The following ZNF714 variants were observed in gnomAD, a reference collection of about 807,000 sequenced individuals.
The protein encoded by ZNF714 is zinc finger protein 714.
A neutral mutation model predicts 46.2 loss-of-function variants in ZNF714; 32 were observed. That is an observed-to-expected ratio of 0.69 (90% confidence interval 0.52 to 0.93). ZNF714 has a LOEUF of 0.93. ZNF714 is among the 40% of genes least tolerant of loss of function. The pLI, the probability that ZNF714 is intolerant of heterozygous loss-of-function variation, is 0.00. For synonymous variants in ZNF714, 199 were observed against 213.1 expected (o/e 0.93, Z 0.58); for missense variants, 635 against 646.3 (o/e 0.98, Z 0.19).
chr19:21,092,292 A>T (rs897209648), intron 2 of ZNF714, among the ~76,000 whole-genome samples: 1 of 152,214 alleles, frequency 6.6e-6, no homozygotes, highest in African/African-American at 2.4e-5. Flanking sequence ...CACTCCCAGG[A>T]CTAGGCACCA....
At chr19:21,112,216 G>A (rs559192038) in intron 4 of ZNF714, among the ~76,000 whole-genome samples, 1 of 152,082 alleles carries the variant, frequency 6.6e-6, no homozygotes, top group Non-Finnish European at 1.5e-5. Flanking sequence ...TCTGGCCCTG[G>A]ACTTTTTATG....
At chr19:21,110,541 G>T (rs1599549850) in intron 4 of ZNF714, among the ~76,000 whole-genome samples, 10 of 152,176 alleles carry the variant, frequency 6.6e-5, no homozygotes, top group Admixed American at 6.5e-4. Flanking sequence ...CCATTCTGTA[G>T]ATTGTCTGTT....
At chr19:21,107,114 G>A (rs1221763327) in intron 4 of ZNF714, among the ~76,000 whole-genome samples, 1 of 151,988 alleles carries the variant, frequency 6.6e-6, no homozygotes, top group Non-Finnish European at 1.5e-5. Flanking sequence ...CATGAGCCAC[G>A]GTACCTGGCT....
chr19:21,111,183 A>G (rs1378785640), intron 4 of ZNF714, among the ~76,000 whole-genome samples: 1 of 152,056 alleles, frequency 6.6e-6, no homozygotes, highest in Admixed American at 6.5e-5. Flanking sequence ...TTTGAGCAGT[A>G]TGGCCATTTT....
rs957428422 is a variant in ZNF714, at chr19:21,122,428, T to G, written c.*4096T>G. 1 of 152,046 alleles carries G rather than the reference T, an allele frequency of 6.6e-6. No homozygotes were observed. Among genetic ancestry groups the G allele is most frequent in the South Asian group, 2.1e-4 (1 of 4,820 alleles). The allele number at this position is 152,046 out of a possible 1,614,324, so 9.4% of individuals were successfully genotyped here. On this transcript the variant is annotated 3_prime_UTR_variant, in exon 5 of 5. Coordinates refer to ENST00000456283, the MANE Select transcript of ZNF714 (RefSeq NM_182515.4). ...GGTTAGGAGTTTCAGACCAGCCTGG[T>G]GAAACCCGGTCTCTACTAATAAACT... is the stretch of plus-strand genomic sequence containing the variant.
At chr19:21,100,134 A>T (rs8112542) in intron 4 of ZNF714, among the ~76,000 whole-genome samples, 1 of 152,146 alleles carries the variant, frequency 6.6e-6, no homozygotes, top group Non-Finnish European at 1.5e-5. Flanking sequence ...GATTACAGGC[A>T]TGAGTCACCA....
At chr19:21,087,423 C>T (rs1260845361) in intron 2 of ZNF714, among the ~76,000 whole-genome samples, 1 of 152,058 alleles carries the variant, frequency 6.6e-6, no homozygotes, top group Non-Finnish European at 1.5e-5. Context: ...CATGATTTCA[C>T]ATTTGACATG....
chr19:21,122,352 A>G lies in ZNF714; in HGVS notation c.*4020A>G, dbSNP rs1029354798. The stretch of plus-strand genomic sequence containing the variant: ...CATTTTTTCCAGACTATAAAACTGA[A>G]TCTTGCTGAATTTAAAGAGAAATTC... On this transcript the variant is annotated 3_prime_UTR_variant, in exon 5 of 5. Coordinates refer to ENST00000456283, the MANE Select transcript of ZNF714 (RefSeq NM_182515.4). 2.0e-5 allele frequency: 3 copies of G among 152,212 alleles called. No individual in the cohort carries two copies. Among genetic ancestry groups the G allele is most frequent in the Admixed American group, 1.3e-4 (2 of 15,282 alleles). 9.4% of individuals were successfully genotyped at this position (152,212 alleles called of 1,614,324 possible).
intron 4 of ZNF714, among the ~76,000 whole-genome samples, chr19:21,105,827 T>C (rs1969297593): frequency 6.6e-6 from 1 of 151,978 alleles, no homozygotes; most frequent in South Asian, 2.1e-4. Context: ...TGCTAGTGCA[T>C]GCCTGTAGTC....
At chr19:21,103,279 C>T (rs1286113844) in intron 4 of ZNF714, among the ~76,000 whole-genome samples, 1 of 152,032 alleles carries the variant, frequency 6.6e-6, no homozygotes, top group African/African-American at 2.4e-5. Context: ...ACAGGCCTGG[C>T]TCGGTGGCTC....
At position 21,095,928 on chromosome 19, in the gene ZNF714, G is replaced by A. The variant is rs546382846; in HGVS notation, c.-84-2257G>A. ...TCTTCATCATGATACATGTAGATAC[G>A]TGTGGTAAGACAGTGAAACTCCAGG... On this transcript the variant is annotated intron_variant, in intron 2 of 4. Transcript: ENST00000456283. 2.2e-4 allele frequency among the ~76,000 whole-genome samples: 34 copies of A among 152,204 alleles called. 1 individual carries two copies. Among genetic ancestry groups the A allele is most frequent in the African/African-American group, 7.7e-4 (32 of 41,514 alleles).
chr19:21,098,624 T>C (rs954424484), intron 3 of ZNF714, among the ~76,000 whole-genome samples, 188 bp from the exon 4 acceptor site: 46 of 152,316 alleles, frequency 3.0e-4, no homozygotes, highest in African/African-American at 1.1e-3. Context: ...GATTCATGAG[T>C]ACCAGGTAGT....
rs1968718497 is a variant in ZNF714 at position 21,084,012 on chromosome 19, G to C, written c.-142G>C. ...AGGTCTGGAGTGTATCCTCTCAAGG[G>C]AGCAAGTGGATCCCTGGGGCAGAGA... On this transcript the variant is annotated 5_prime_UTR_variant, in exon 2 of 5. Transcript: ENST00000456283. The C allele has an allele frequency of 7.9e-7, 1 of 1,263,860 alleles. No homozygotes were observed. The highest frequency in any genetic ancestry group is 3.0e-5 in the Admixed American group (1 of 33,788). The allele number at this position is 1,263,860 out of a possible 1,614,324, so 78.3% of individuals were successfully genotyped here. A position where few individuals can be genotyped will look rare whatever the true frequency, so the allele number is the denominator to read the frequency against.
intron 4 of ZNF714, among the ~76,000 whole-genome samples, chr19:21,099,983 A>G (rs1342991054): frequency 1.3e-5 from 2 of 151,812 alleles, no homozygotes; most frequent in African/African-American, 2.4e-5. Context: ...AGCCTCCCTA[A>G]TAGCTGGGAT....
chr19:21,084,652 G>A (rs974678809), intron 2 of ZNF714, among the ~76,000 whole-genome samples: 2 of 151,032 alleles, frequency 1.3e-5, no homozygotes, highest in African/African-American at 4.9e-5. Flanking sequence ...TTTGACCTCA[G>A]TTTTTTAGCT....
chr19:21,083,058 A>T (rs1968693867), intron 1 of ZNF714, among the ~76,000 whole-genome samples: 2 of 149,548 alleles, frequency 1.3e-5, no homozygotes, highest in Admixed American at 6.6e-5. Flanking sequence ...TTTTTTTAAG[A>T]TGGAGTTTCG....
chr19:21,093,820 G>C (rs994325591), intron 2 of ZNF714, among the ~76,000 whole-genome samples: 2 of 151,766 alleles, frequency 1.3e-5, no homozygotes, highest in Admixed American at 1.3e-4. Context: ...CGTTTGTAGA[G>C]ATGGGGTTTT....
intron 4 of ZNF714, among the ~76,000 whole-genome samples, chr19:21,105,515 G>A (rs1969289867): frequency 6.6e-6 from 1 of 151,898 alleles, no homozygotes; most frequent in Admixed American, 6.6e-5. Flanking sequence ...AAATATTTCT[G>A]TTCTTTCCTT....
intron 4 of ZNF714, among the ~76,000 whole-genome samples, chr19:21,110,605 T>C (rs1031263431): frequency 6.6e-5 from 10 of 152,242 alleles, no homozygotes; most frequent in Admixed American, 1.3e-4. Context: ...ATACCATTTG[T>C]CAATGTTTGC....
Sources: gnomAD v4.1 joint callset for allele counts (sites outside exome capture counted in the v4.1 genomes callset) on GRCh38, gnomAD v4.1.1 for gene constraint, MANE v1.5 for transcripts, NCBI Gene and HGNC (gene_info 2026-07-23, HGNC 2026-07-21) for gene names.